Variants in GPC6 observed in about 807,000 individuals in gnomAD.
The protein encoded by GPC6 is glypican-6.
GPC6 carries 14 observed loss-of-function variants against 55.2 expected under a neutral mutation model. The ratio of observed to expected loss-of-function variants is 0.25; its 90% CI spans 0.17 to 0.40. GPC6 has a LOEUF of 0.40. GPC6 is among the 10% of genes least tolerant of loss of function. GPC6 has a pLI of 1.00. For synonymous variants in GPC6, 278 were observed against 259.6 expected, an observed-to-expected ratio of 1.07 and a Z score of -0.68; for missense variants, 641 against 708.5, an observed-to-expected ratio of 0.90 and a Z score of 1.08.
chr13:93,389,452 C>T (rs1875531235), intron 1 of GPC6, among the ~76,000 whole-genome samples: 1 of 150,122 alleles, frequency 6.7e-6, no homozygotes, highest in Non-Finnish European at 1.5e-5. Flanking sequence ...TGTAGTGAGC[C>T]GAGATCGCAC....
intron 6 of GPC6, among the ~76,000 whole-genome samples, chr13:94,326,529 C>T (rs1331939100): frequency 6.6e-6 from 1 of 152,206 alleles, no homozygotes; most frequent in Admixed American, 6.5e-5. Context: ...TCTTTTCTGA[C>T]AGACTTTATT....
intron 1 of GPC6, among the ~76,000 whole-genome samples, chr13:93,341,535 G>A (rs763687112): frequency 3.9e-5 from 6 of 152,090 alleles, no homozygotes; most frequent in Non-Finnish European, 8.8e-5. Context: ...TGATGGCTGT[G>A]TACATCCTCT....
At chr13:93,915,086 A>C (rs747278390) in intron 3 of GPC6, among the ~76,000 whole-genome samples, 1 of 152,148 alleles carries the variant, frequency 6.6e-6, no homozygotes. Context: ...AAGGTGCTCT[A>C]TATTTTCTTA....
chr13:93,946,879 T>C (rs1304736967), intron 3 of GPC6, among the ~76,000 whole-genome samples: 6 of 152,150 alleles, frequency 3.9e-5, no homozygotes, highest in Non-Finnish European at 7.4e-5. Flanking sequence ...CACTTCTAAG[T>C]GTTTTCTCAT....
At chr13:93,218,788 TGAA>T in the GPC6 span, among the ~76,000 whole-genome samples, 1 of 152,226 alleles carries the variant, frequency 6.6e-6, no homozygotes, top group Non-Finnish European at 1.5e-5. Context: ...ATGACTAAGT[TGAA>T]GAAACAAATT....
chr13:93,682,186 A>G (rs892298082), intron 2 of GPC6, among the ~76,000 whole-genome samples: 5 of 152,180 alleles, frequency 3.3e-5, no homozygotes, highest in African/African-American at 1.2e-4. Flanking sequence ...AGCAGACTTA[A>G]GATGAAAATG....
At chr13:94,312,606 T>G (rs1475619867) in intron 6 of GPC6, among the ~76,000 whole-genome samples, 1 of 152,176 alleles carries the variant, frequency 6.6e-6, no homozygotes, top group Non-Finnish European at 1.5e-5. Context: ...CAGGCTGTGC[T>G]TAAGAAACTG....
At chr13:93,454,612 T>G (rs12873103) in intron 1 of GPC6, among the ~76,000 whole-genome samples, 35 of 92,028 alleles carry the variant, frequency 3.8e-4, no homozygotes, top group Non-Finnish European at 6.3e-4. Flanking sequence ...TGAGTGGTGT[T>G]TTTACAAACC....
At chr13:93,793,981 C>T (rs1886124827) in intron 2 of GPC6, among the ~76,000 whole-genome samples, 1 of 152,088 alleles carries the variant, frequency 6.6e-6, no homozygotes, top group Non-Finnish European at 1.5e-5. Flanking sequence ...AAACATTTTC[C>T]ATGGATCATG....
intron 4 of GPC6, among the ~76,000 whole-genome samples, chr13:94,078,630 T>C (rs1884999604): frequency 6.6e-6 from 1 of 151,776 alleles, no homozygotes; most frequent in Non-Finnish European, 1.5e-5. Flanking sequence ...CACCAACAAA[T>C]GGGATGTCCT....
At chr13:93,217,320 A>C in the GPC6 span, among the ~76,000 whole-genome samples, 1 of 152,258 alleles carries the variant, frequency 6.6e-6, no homozygotes, top group Admixed American at 6.5e-5. Context: ...ATCATTTAAA[A>C]ATCTTAGATC....
chr13:93,452,380 C>G (rs1878262305), intron 1 of GPC6, among the ~76,000 whole-genome samples: 2 of 152,120 alleles, frequency 1.3e-5, no homozygotes, highest in African/African-American at 4.8e-5. Context: ...TATTCCTCAG[C>G]CAATTAACAA....
rs796647461 is a variant in GPC6, at chr13:93,944,265, G to T, written c.712-83464G>T. Among the ~76,000 whole-genome samples, 460 of 151,346 alleles carry T rather than the reference G, an allele frequency of 3.0e-3. 5 individuals carry two copies. Among genetic ancestry groups the T allele is most frequent in the African/African-American group, 0.011 (450 of 41,178 alleles). ...GTCGCCCAGGCTGGAGTGCAGTGGC[G>T]CCATCTCGGCTCACTGCAAGCTCCG... On this transcript the variant is annotated intron_variant, in intron 3 of 8. Transcript: ENST00000377047.
intron 6 of GPC6, among the ~76,000 whole-genome samples, chr13:94,378,347 A>C (rs1879996943): frequency 6.6e-6 from 1 of 152,074 alleles, no homozygotes; most frequent in Non-Finnish European, 1.5e-5. Context: ...AAATATTTGG[A>C]GCAAGATTAA....
At chr13:93,393,977 G>T in intron 1 of GPC6, among the ~76,000 whole-genome samples, 1 of 152,002 alleles carries the variant, frequency 6.6e-6, no homozygotes, top group East Asian at 1.9e-4. Flanking sequence ...AAAAAGAGTT[G>T]TCTCTCTTTA....
At chr13:93,877,408 A>T (rs1874653950) in intron 3 of GPC6, among the ~76,000 whole-genome samples, 1 of 151,516 alleles carries the variant, frequency 6.6e-6, no homozygotes, top group South Asian at 2.1e-4. Flanking sequence ...TACCCCTTTA[A>T]AAATTTTTAG....
chr13:94,261,633 A>T (rs1289540704), intron 4 of GPC6, among the ~76,000 whole-genome samples: 2 of 152,266 alleles, frequency 1.3e-5, no homozygotes, highest in African/African-American at 2.4e-5. Context: ...TTAAGAAATG[A>T]GCACACTAAT....
intron 2 of GPC6, among the ~76,000 whole-genome samples, chr13:93,573,439 C>T (rs1023140788): frequency 6.6e-6 from 1 of 151,818 alleles, no homozygotes; most frequent in Non-Finnish European, 1.5e-5. Flanking sequence ...ACATCCAGTA[C>T]TCCCCAAACC....
chr13:94,148,959 C>G (rs1052336503), intron 4 of GPC6, among the ~76,000 whole-genome samples: 4 of 102,092 alleles, frequency 3.9e-5, no homozygotes, highest in African/African-American at 1.3e-4. Context: ...GCCTAACACA[C>G]ATACACACAC....
Sources: gnomAD v4.1 joint callset for allele counts (sites outside exome capture counted in the v4.1 genomes callset) on GRCh38, gnomAD v4.1.1 for gene constraint, MANE v1.5 for transcripts, NCBI Gene and HGNC (gene_info 2026-07-23, HGNC 2026-07-21) for gene names.